Variants in GFRA2 observed in about 807,000 individuals in gnomAD.
GFRA2 encodes GDNF family receptor alpha-2.
Under a neutral mutation model 48.3 loss-of-function variants are expected in GFRA2, and 17 were observed. The ratio of observed to expected loss-of-function variants is 0.35; its 90% confidence interval spans 0.24 to 0.53. The LOEUF is 0.53. Among genes scored for constraint, GFRA2 ranks in the 20% least tolerant of loss-of-function variants. The pLI is 0.93. For synonymous variants in GFRA2, 305 were observed against 257.2 expected, an observed-to-expected ratio of 1.19 and a Z score of -1.78; for missense variants, 660 against 637.3, an observed-to-expected ratio of 1.04 and a Z score of -0.38.
intron 1 of GFRA2, among the ~76,000 whole-genome samples, chr8:21,786,288 G>A (rs1807264916): frequency 6.6e-6 from 1 of 152,056 alleles, no homozygotes; most frequent in African/African-American, 2.4e-5. Flanking sequence ...GCTGGAGAAA[G>A]CCTGCCTGCA....
chr8:21,741,219 C>G (rs79909972), intron 4 of GFRA2, among the ~76,000 whole-genome samples: 1,908 of 152,302 alleles, frequency 0.013, 37 homozygotes, highest in African/African-American at 0.043. Flanking sequence ...GCCTCCCAAC[C>G]TCAACCTGTG....
chr8:21,726,965 T>G (rs905921389), intron 4 of GFRA2, among the ~76,000 whole-genome samples: 3 of 152,072 alleles, frequency 2.0e-5, no homozygotes, highest in Non-Finnish European at 4.4e-5. Context: ...TTGACCAGGA[T>G]GGTCTCGATC....
In GFRA2 at chr8:21,717,005, C is replaced by T. The variant is rs538591762; in HGVS notation, c.795-10964G>A. Among the ~76,000 whole-genome samples, 3 of 152,354 alleles carry T rather than the reference C, an allele frequency of 2.0e-5. No individual in the cohort carries two copies. In the South Asian group the frequency reaches 6.2e-4, roughly 32 times the overall value. On this transcript the variant is annotated intron_variant, in intron 4 of 8. Coordinates refer to ENST00000524240, the MANE Select transcript of GFRA2 (RefSeq NM_001495.5). The stretch of plus-strand genomic sequence containing the variant: ...AAAGTGTGCTGTCTCTTTAAATAAA[C>T]ACTGCTACTGCTATTTTTCCAGCCA...
At chr8:21,791,038 G>A (rs1449854326), upstream of GFRA2, among the ~76,000 whole-genome samples, 1 of 151,990 alleles carries the variant, frequency 6.6e-6, no homozygotes, top group Non-Finnish European at 1.5e-5. Flanking sequence ...GGAATCTCAC[G>A]CAGGCCTTCC....
intron 3 of GFRA2, among the ~76,000 whole-genome samples, chr8:21,768,055 C>A (rs1447436856): frequency 6.6e-6 from 1 of 152,194 alleles, no homozygotes; most frequent in African/African-American, 2.4e-5. Context: ...TTCCTCCTGG[C>A]GGCCCCAAGC....
intron 3 of GFRA2, among the ~76,000 whole-genome samples, chr8:21,759,582 TA>T (rs1232301250): frequency 6.8e-6 from 1 of 146,218 alleles, no homozygotes; most frequent in African/African-American, 2.6e-5. Flanking sequence ...GAAAGGAAAA[TA>T]AGGGAATTTA....
chr8:21,791,690 T>C (rs934524201), upstream of GFRA2, among the ~76,000 whole-genome samples: 1 of 152,150 alleles, frequency 6.6e-6, no homozygotes, highest in Non-Finnish European at 1.5e-5. Context: ...AGAAATTACA[T>C]AAGATACTAC....
At chr8:21,694,635 G>A (rs188594337) in intron 7 of GFRA2, 118 bp from the exon 8 acceptor site, 50 of 892,874 alleles carry the variant, frequency 5.6e-5, no homozygotes, top group Admixed American at 3.4e-4. Flanking sequence ...CACAGCCAGC[G>A]CACACGGTGA....
In GFRA2 at chr8:21,692,228, A is replaced by G. The variant is rs1194494192; in HGVS notation, c.*1050T>C. 1 of 152,482 alleles carries G rather than the reference A, an allele frequency of 6.6e-6. No individual in the cohort carries two copies. The highest frequency in any genetic ancestry group is 2.4e-5 in the African/African-American group (1 of 41,440). The allele number at this position is 152,482 out of a possible 1,614,324, so 9.4% of individuals were successfully genotyped here. A position where few individuals can be genotyped will look rare whatever the true frequency, so the allele number is the denominator to read the frequency against. On this transcript the variant is annotated 3_prime_UTR_variant, in exon 9 of 9. Transcript: ENST00000524240. ...TATTATTTCCATAGTTTTGTTGCTT[A>G]AAAAAAGGAAAGAAAGGGGAAACCA...
intron 4 of GFRA2, among the ~76,000 whole-genome samples, chr8:21,737,491 G>A (rs1483939507): frequency 6.6e-6 from 1 of 152,172 alleles, no homozygotes; most frequent in South Asian, 2.1e-4. Flanking sequence ...GGCTGGAATT[G>A]AGGACTGGTA....
In GFRA2 at chr8:21,804,448, C is replaced by A. The variant is rs376989638; in HGVS notation, c.-36+569G>T. On this transcript the variant is annotated intron_variant, in intron 2 of 10. Coordinates refer to the GFRA2 transcript ENST00000517328. ...GCTAAAAAAAAAAACAAAAAAAAAA[C>A]AAACTGGTGCATTAGATATGCCCTA... 2.4e-3 allele frequency among the ~76,000 whole-genome samples: 323 copies of A among 135,558 alleles called. 3 individuals carry two copies. The highest frequency in any genetic ancestry group is 7.9e-3 in the African/African-American group (292 of 37,058). The allele number at this position is 135,558 out of a possible 152,430, so 88.9% of individuals were successfully genotyped here.
intron 7 of GFRA2, among the ~76,000 whole-genome samples, chr8:21,697,817 T>C (rs929679261): frequency 1.3e-5 from 2 of 152,060 alleles, no homozygotes; most frequent in African/African-American, 4.8e-5. Context: ...TGAGATCTGA[T>C]GGTTTTATAG....
chr8:21,772,389 G>A (rs1236860327), intron 3 of GFRA2, among the ~76,000 whole-genome samples: 1 of 152,022 alleles, frequency 6.6e-6, no homozygotes, highest in Non-Finnish European at 1.5e-5. Context: ...CTGCAGCTTC[G>A]AACCCTTGGG....
At chr8:21,781,785 G>C (rs1334150885) in intron 2 of GFRA2, among the ~76,000 whole-genome samples, 1 of 152,176 alleles carries the variant, frequency 6.6e-6, no homozygotes, top group Non-Finnish European at 1.5e-5. Context: ...TGAACATCTG[G>C]TTACAGTGGC....
Position 21,750,542 on chromosome 8 carries a change from G to T in GFRA2, c.794+46C>A. The T allele has an allele frequency of 9.0e-7, 1 of 1,108,398 alleles. No homozygotes were observed. Among genetic ancestry groups the T allele is most frequent in the Non-Finnish European group, 1.3e-6 (1 of 755,030 alleles). 68.7% of individuals were successfully genotyped at this position (1,108,398 alleles called of 1,614,324 possible). On this transcript the variant is annotated intron_variant, in intron 4 of 8. Coordinates refer to ENST00000524240, the MANE Select transcript of GFRA2 (RefSeq NM_001495.5). The surrounding 1 kb of genome is among the most constrained non-coding windows in gnomAD (Gnocchi z 5.7). Reference sequence around the variant, plus strand: ...AGAAAGGAAAACACAGCCTGGCAATGCAAGCGCCCTCCTGCCAGCACCACC... The same window carrying T: ...AGAAAGGAAAACACAGCCTGGCAATTCAAGCGCCCTCCTGCCAGCACCACC...
chr8:21,789,452 G>A (rs1234152182), upstream of GFRA2, among the ~76,000 whole-genome samples: 1 of 152,028 alleles, frequency 6.6e-6, no homozygotes, highest in East Asian at 1.9e-4. Context: ...CCGGGGGCTC[G>A]GGGGGCAGGG....
chr8:21,786,911 T>G (rs924138337), intron 1 of GFRA2, among the ~76,000 whole-genome samples: 1 of 152,160 alleles, frequency 6.6e-6, no homozygotes, highest in East Asian at 1.9e-4. Flanking sequence ...CTGGGCAGCC[T>G]GGCTCAACAC....
intron 7 of GFRA2, among the ~76,000 whole-genome samples, chr8:21,697,936 G>GT (rs373397007): frequency 6.6e-6 from 1 of 152,194 alleles, no homozygotes; most frequent in African/African-American, 2.4e-5. Context: ...ATGTGGAACT[G>GT]TGAGTCCACT....
At chr8:21,723,751 T>G (rs1378208977) in intron 4 of GFRA2, among the ~76,000 whole-genome samples, 1 of 152,150 alleles carries the variant, frequency 6.6e-6, no homozygotes, top group Non-Finnish European at 1.5e-5. Flanking sequence ...CTCGTCCTCT[T>G]CTCAACAGGC....
Sources: allele counts gnomAD v4.1 joint callset (sites outside exome capture counted in the v4.1 genomes callset), GRCh38; gene constraint gnomAD v4.1.1; non-coding constraint Gnocchi (gnomAD v3.1); transcripts MANE v1.5; gene names NCBI Gene and HGNC (gene_info 2026-07-23, HGNC 2026-07-21).